GRK3: variants seen among roughly 807,000 people sequenced by gnomAD.
GRK3 encodes the protein adrenergic, beta, receptor kinase 2.
In GRK3, 54 loss-of-function variants were observed where a neutral mutation model predicts 95.7. The ratio of observed to expected loss-of-function variants is 0.56; its 90% CI spans 0.45 to 0.71. GRK3 has a LOEUF of 0.71. Among genes scored for constraint, GRK3 ranks in the 30% least tolerant of loss-of-function variants. The pLI is 0.00. For synonymous variants in GRK3, 281 were observed against 290.8 expected, an observed-to-expected ratio of 0.97 and a Z score of 0.34; for missense variants, 649 against 851.2, an observed-to-expected ratio of 0.76 and a Z score of 2.96.
chr22:25,589,343 G>A (rs1282656381), intron 1 of GRK3, among the ~76,000 whole-genome samples: 2 of 152,250 alleles, frequency 1.3e-5, no homozygotes, highest in East Asian at 1.9e-4. Flanking sequence ...TTCTTGGCCC[G>A]TAGGGAGCAG....
intron 1 of GRK3, among the ~76,000 whole-genome samples, chr22:25,581,821 G>A (rs1461911550): frequency 1.3e-5 from 2 of 149,860 alleles, no homozygotes; most frequent in Non-Finnish European, 3.0e-5. Context: ...AAAAAAAAAA[G>A]TAACCCATGC....
chr22:25,635,301 ACTC>A, intron 2 of GRK3, among the ~76,000 whole-genome samples: 1 of 152,038 alleles, frequency 6.6e-6, no homozygotes, highest in Non-Finnish European at 1.5e-5. Context: ...TAGAGACATC[ACTC>A]CTCTTGACCA....
At chr22:25,699,570 A>G (rs2085239711) in intron 13 of GRK3, among the ~76,000 whole-genome samples, 1 of 152,134 alleles carries the variant, frequency 6.6e-6, no homozygotes, top group Non-Finnish European at 1.5e-5. Flanking sequence ...CTAAATGTCA[A>G]CAGTGCCGAG....
At chr22:25,721,198 A>G (rs1331372167) in intron 19 of GRK3, 86 bp from the exon 20 acceptor site, 7 of 630,028 alleles carry the variant, frequency 1.1e-5, no homozygotes, top group Admixed American at 3.4e-5. Context: ...TTCTTTTTTT[A>G]CTTGTTCTAA....
chr22:25,702,028 A>G (rs2085262934), intron 13 of GRK3, among the ~76,000 whole-genome samples: 1 of 151,868 alleles, frequency 6.6e-6, no homozygotes. Context: ...AATATTTCCA[A>G]TCAAAATCTG....
At chr22:25,639,366 G>T (rs368253681) in intron 2 of GRK3, among the ~76,000 whole-genome samples, 1 of 152,014 alleles carries the variant, frequency 6.6e-6, no homozygotes, top group Non-Finnish European at 1.5e-5. Flanking sequence ...TCTTTATAAG[G>T]TGTGAGGTAA....
chr22:25,648,211 A>T, intron 3 of GRK3: 1 of 755,972 alleles, frequency 1.3e-6, no homozygotes, highest in East Asian at 2.4e-5. Flanking sequence ...GATTGGGATG[A>T]GGTAAGGGGT....
At chr22:25,571,230 G>C (rs974429690) in intron 1 of GRK3, among the ~76,000 whole-genome samples, 3 of 152,168 alleles carry the variant, frequency 2.0e-5, no homozygotes, top group Non-Finnish European at 2.9e-5. Context: ...CTACCAAACT[G>C]TCATAGAAGA....
At chr22:25,626,180 C>G (rs913412803) in intron 2 of GRK3, among the ~76,000 whole-genome samples, 2 of 152,226 alleles carry the variant, frequency 1.3e-5, no homozygotes, top group African/African-American at 4.8e-5. Context: ...CTGCCCGCCT[C>G]AGCCTCCTAA....
At chr22:25,581,600 G>A (rs998723550) in intron 1 of GRK3, among the ~76,000 whole-genome samples, 11 of 152,062 alleles carry the variant, frequency 7.2e-5, no homozygotes, top group Non-Finnish European at 1.5e-4. Context: ...AACCAGAGTG[G>A]ACAGATTTAC....
chr22:25,685,014 TC>T (rs1482377270), intron 9 of GRK3, among the ~76,000 whole-genome samples, 155 bp from the exon 10 acceptor site: 1 of 152,208 alleles, frequency 6.6e-6, no homozygotes, highest in African/African-American at 2.4e-5. Context: ...TAGATATGTG[TC>T]AAAACATCAA....
chr22:25,592,259 G>C lies in GRK3; in HGVS notation c.114-12118G>C, dbSNP rs185633638. Among the ~76,000 whole-genome samples the C allele has an allele frequency of 1.4e-3, 220 of 152,272 alleles. 2 individuals carry two copies. Among genetic ancestry groups the C allele is most frequent in the African/African-American group, 5.1e-3 (211 of 41,558 alleles). The stretch of plus-strand genomic sequence containing the variant: ...AATGATGTTGAACAACTTTTCATAT[G>C]CTTATTTGCCACCCACATATCTTCT... On this transcript the variant is annotated intron_variant, in intron 1 of 20. Transcript: ENST00000324198.
intron 2 of GRK3, among the ~76,000 whole-genome samples, chr22:25,638,692 T>C (rs1455108506): frequency 6.6e-6 from 1 of 152,168 alleles, no homozygotes; most frequent in Non-Finnish European, 1.5e-5. Context: ...TCCTTATCTC[T>C]CTAGTGTGGA....
Position 25,724,545 on chromosome 22 carries a change from A to G in GRK3, c.*2095A>G, listed in dbSNP as rs936104179. 3.3e-5 allele frequency: 5 copies of G among 152,254 alleles called. No homozygotes were observed. The highest frequency in any genetic ancestry group is 1.2e-4 in the African/African-American group (5 of 41,474). The allele number at this position is 152,254 out of a possible 1,614,324, so 9.4% of individuals were successfully genotyped here. A position where few individuals can be genotyped will look rare whatever the true frequency, so the allele number is the denominator to read the frequency against. ...GATATATGAATTGGAAAATGCTCTG[A>G]AAGTCCTTTTGCTTCAAACAAAAGT... is the stretch of plus-strand genomic sequence containing the variant. On this transcript the variant is annotated 3_prime_UTR_variant, in exon 21 of 21. Transcript: ENST00000324198.
chr22:25,647,583 A>G lies in GRK3; in HGVS notation c.264+2918A>G. ...TATATGATTATGAAGCTAGAACTAC[A>G]GAAGACCTTTCATTTAAGAAGGGTG... On this transcript the variant is annotated intron_variant, in intron 3 of 20. Coordinates refer to ENST00000324198, the MANE Select transcript of GRK3 (RefSeq NM_005160.4). 2.6e-6 allele frequency: 4 copies of G among 1,559,650 alleles called. No individual in the cohort carries two copies. In the East Asian group the frequency reaches 9.0e-5, roughly 35 times the overall value.
chr22:25,607,650 C>A (rs1249990060), intron 2 of GRK3, among the ~76,000 whole-genome samples: 1 of 152,060 alleles, frequency 6.6e-6, no homozygotes, highest in Non-Finnish European at 1.5e-5. Flanking sequence ...AATCTCTGCT[C>A]ACTGCAACTT....
At chr22:25,593,454 A>C (rs1932568703) in intron 1 of GRK3, among the ~76,000 whole-genome samples, 1 of 151,868 alleles carries the variant, frequency 6.6e-6, no homozygotes, top group South Asian at 2.1e-4. Flanking sequence ...TGTGATGATT[A>C]GTGATTTTGA....
At chr22:25,577,307 G>T (rs1931938378) in intron 1 of GRK3, among the ~76,000 whole-genome samples, 1 of 151,894 alleles carries the variant, frequency 6.6e-6, no homozygotes, top group Admixed American at 6.6e-5. Context: ...TGAGTAGCTG[G>T]GACTACAGAT....
intron 2 of GRK3, among the ~76,000 whole-genome samples, chr22:25,626,846 C>T (rs1009369918): frequency 1.3e-5 from 2 of 152,204 alleles, no homozygotes; most frequent in Non-Finnish European, 2.9e-5. Context: ...GGCACCCATA[C>T]CACCTGGTGT....
Sources: allele counts gnomAD v4.1 joint callset (sites outside exome capture counted in the v4.1 genomes callset), GRCh38; gene constraint gnomAD v4.1.1; transcripts MANE v1.5; gene names NCBI Gene and HGNC (gene_info 2026-07-23, HGNC 2026-07-21).